Variants in HS6ST3 observed in about 807,000 individuals in gnomAD.
HS6ST3 encodes the protein heparan-sulfate 6-O-sulfotransferase 3.
A neutral mutation model predicts 36.7 loss-of-function variants in HS6ST3; 12 were observed. The observed-to-expected ratio is 0.33, with a 90% confidence interval of 0.21 to 0.53. The LOEUF (loss-of-function observed/expected upper bound fraction) is 0.53, where lower values mean the gene tolerates loss of function less well. HS6ST3 is among the 20% of genes least tolerant of loss of function. The pLI is 0.95. For missense variants in HS6ST3, 584 were observed against 640.9 expected (o/e 0.91, Z 0.96); for synonymous variants, 240 against 257.5 (o/e 0.93, Z 0.65).
intron 1 of HS6ST3, among the ~76,000 whole-genome samples, chr13:96,622,151 A>G (rs1169971287): frequency 6.6e-6 from 1 of 152,008 alleles, no homozygotes; most frequent in Admixed American, 6.6e-5. Context: ...GCTGATTTCT[A>G]TGTCAAAGTG....
At chr13:96,805,617 G>A (rs947761282) in intron 1 of HS6ST3, among the ~76,000 whole-genome samples, 3 of 152,180 alleles carry the variant, frequency 2.0e-5, no homozygotes, top group Non-Finnish European at 4.4e-5. Flanking sequence ...GTTAACCCAT[G>A]ATATCCCATC....
chr13:96,245,428 A>G (rs1279595308), intron 1 of HS6ST3, among the ~76,000 whole-genome samples: 1 of 152,192 alleles, frequency 6.6e-6, no homozygotes, highest in African/African-American at 2.4e-5. Flanking sequence ...AATTTAAGGT[A>G]ATAGCTGTCA....
At chr13:96,097,707 G>A (rs1038116244) in intron 1 of HS6ST3, among the ~76,000 whole-genome samples, 28 of 152,266 alleles carry the variant, frequency 1.8e-4, no homozygotes, top group African/African-American at 6.3e-4. Flanking sequence ...TTATAGCTGA[G>A]CATTCATGTA....
intron 1 of HS6ST3, among the ~76,000 whole-genome samples, chr13:96,507,131 A>C (rs945983935): frequency 6.6e-6 from 1 of 152,146 alleles, no homozygotes; most frequent in African/African-American, 2.4e-5. Context: ...TCCGTGTGGG[A>C]ATATGTCAGA....
intron 1 of HS6ST3, among the ~76,000 whole-genome samples, chr13:96,813,838 C>G (rs1015558532): frequency 1.3e-5 from 2 of 152,182 alleles, no homozygotes; most frequent in Non-Finnish European, 2.9e-5. Context: ...TAACCCATGC[C>G]AAGGTCAAAC....
In HS6ST3 at chr13:96,330,316, G is replaced by A. The variant is rs188913406; in HGVS notation, c.707+238747G>A. 1.2e-3 allele frequency among the ~76,000 whole-genome samples: 178 copies of A among 152,086 alleles called. 1 individual carries two copies. The highest frequency in any genetic ancestry group is 3.7e-3 in the Admixed American group (56 of 15,268). On this transcript the variant is annotated intron_variant, in intron 1 of 1. Transcript: ENST00000376705. ...ATTTTGGCATGAGTTTGCAGCGGCC[G>A]GTACCGGTTGTTCCTTTCCATGTTT...
intron 1 of HS6ST3, among the ~76,000 whole-genome samples, chr13:96,113,715 T>G (rs1055024158): frequency 6.6e-6 from 1 of 152,190 alleles, no homozygotes; most frequent in African/African-American, 2.4e-5. Context: ...GACTATATAT[T>G]AGGAATCAAA....
intron 1 of HS6ST3, among the ~76,000 whole-genome samples, chr13:96,278,718 T>G (rs2054760441): frequency 1.3e-5 from 2 of 152,172 alleles, no homozygotes; most frequent in South Asian, 4.1e-4. Flanking sequence ...AGCTATAATT[T>G]TAACCATGTT....
intron 1 of HS6ST3, among the ~76,000 whole-genome samples, chr13:96,828,166 C>T (rs939882856): frequency 2.0e-5 from 3 of 152,096 alleles, no homozygotes; most frequent in Non-Finnish European, 2.9e-5. Context: ...ACTGTTCTGT[C>T]CTTGGCAGTT....
intron 1 of HS6ST3, among the ~76,000 whole-genome samples, chr13:96,654,609 C>A (rs924903639): frequency 1.6e-4 from 24 of 152,148 alleles, no homozygotes; most frequent in African/African-American, 5.3e-4. Flanking sequence ...TTTGTTACTG[C>A]AGCCTTGTAG....
At chr13:96,494,051 A>T (rs2055960171) in intron 1 of HS6ST3, among the ~76,000 whole-genome samples, 1 of 152,138 alleles carries the variant, frequency 6.6e-6, no homozygotes, top group Non-Finnish European at 1.5e-5. Flanking sequence ...ATGCATCAGA[A>T]TAACCCCTGG....
Position 96,628,169 on chromosome 13 carries a change from G to T in HS6ST3, c.708-204321G>T, listed in dbSNP as rs150628388. On this transcript the variant is annotated intron_variant, in intron 1 of 1. Coordinates refer to ENST00000376705, the MANE Select transcript of HS6ST3 (RefSeq NM_153456.4). ...CATGTAAGCTTATTAATTTCTCTCA[G>T]TATTCACTAACTTAATCCCACAAGT... is the stretch of plus-strand genomic sequence containing the variant. 5.0e-4 allele frequency among the ~76,000 whole-genome samples: 76 copies of T among 151,788 alleles called. No homozygotes were observed. In the East Asian group the frequency reaches 0.013, roughly 26 times the overall value.
intron 1 of HS6ST3, among the ~76,000 whole-genome samples, chr13:96,605,128 T>C (rs2056434359): frequency 6.6e-6 from 1 of 152,132 alleles, no homozygotes; most frequent in Non-Finnish European, 1.5e-5. Flanking sequence ...ATCAACAGAT[T>C]TTGCAAAGGC....
chr13:96,144,642 A>G (rs1022984730), intron 1 of HS6ST3, among the ~76,000 whole-genome samples: 1 of 151,554 alleles, frequency 6.6e-6, no homozygotes, highest in Non-Finnish European at 1.5e-5. Context: ...TATTTAATTA[A>G]TTTTTATTAT....
rs565196329 is a variant in HS6ST3, at chr13:96,159,599, G to A, written c.707+68030G>A. ...GACTGACTGGTGTTTATGTCCTACT[G>A]GTTATATTGTAATTTGTAATAATAA... On this transcript the variant is annotated intron_variant, in intron 1 of 1. Transcript: ENST00000376705. Among the ~76,000 whole-genome samples the A allele has an allele frequency of 2.0e-5, 3 of 152,202 alleles. No individual in the cohort carries two copies. The South Asian group carries it at 6.2e-4, about 32-fold the overall frequency.
intron 1 of HS6ST3, among the ~76,000 whole-genome samples, chr13:96,177,697 T>C (rs2054218995): frequency 6.6e-6 from 1 of 151,966 alleles, no homozygotes; most frequent in Non-Finnish European, 1.5e-5. Flanking sequence ...CTGGGCTTAA[T>C]ACCTGGGTGA....
chr13:96,291,119 A>C (rs1030354799), intron 1 of HS6ST3, among the ~76,000 whole-genome samples: 1 of 151,872 alleles, frequency 6.6e-6, no homozygotes, highest in African/African-American at 2.4e-5. Flanking sequence ...TTATTTTAGC[A>C]TTTGCTAATA....
chr13:96,656,758 A>T (rs2056626315), intron 1 of HS6ST3, among the ~76,000 whole-genome samples: 1 of 152,132 alleles, frequency 6.6e-6, no homozygotes, highest in African/African-American at 2.4e-5. Flanking sequence ...TGAGAAACCA[A>T]GGCTGATGCT....
intron 1 of HS6ST3, among the ~76,000 whole-genome samples, chr13:96,554,035 A>T (rs1378536687): frequency 2.6e-5 from 4 of 152,238 alleles, no homozygotes; most frequent in Non-Finnish European, 5.9e-5. Flanking sequence ...AATGCAGAAG[A>T]CTGAAGTACA....
Sources: gnomAD v4.1 joint callset for allele counts (sites outside exome capture counted in the v4.1 genomes callset) on GRCh38, gnomAD v4.1.1 for gene constraint, MANE v1.5 for transcripts, NCBI Gene and HGNC (gene_info 2026-07-23, HGNC 2026-07-21) for gene names.